The following IFFO2 variants were observed in gnomAD, a reference collection of about 807,000 sequenced individuals.
The protein encoded by IFFO2 is intermediate filament family orphan 2.
Under a neutral mutation model 53.5 loss-of-function variants are expected in IFFO2, and 19 were observed. That is an observed-to-expected ratio of 0.36 (90% CI 0.25 to 0.52). The LOEUF (loss-of-function observed/expected upper bound fraction) is 0.52, where lower values mean the gene tolerates loss of function less well. Among genes scored for constraint, IFFO2 ranks in the 20% least tolerant of loss-of-function variants. IFFO2 has a pLI of 0.94. For synonymous variants in IFFO2, 303 were observed against 313.6 expected, an observed-to-expected ratio of 0.97 and a Z score of 0.36; for missense variants, 570 against 727.4, an observed-to-expected ratio of 0.78 and a Z score of 2.49.
rs1936127871 is a variant in IFFO2 at position 18,916,018 on chromosome 1, G to A, written c.1103+885C>T. On this transcript the variant is annotated intron_variant, in intron 5 of 8. Coordinates refer to ENST00000455833, the MANE Select transcript of IFFO2 (RefSeq NM_001136265.2). The surrounding 1 kb of genome is among the most constrained non-coding windows in gnomAD (Gnocchi z 4.3). ...TGCATGCCTGTGATTCCAGCTACTT[G>A]GGAGGCTGAGGCAGGAGAAACACTG... is the stretch of plus-strand genomic sequence containing the variant. Among the ~76,000 whole-genome samples, 1 of 152,070 alleles carries A rather than the reference G, an allele frequency of 6.6e-6. No individual in the cohort carries two copies. Among genetic ancestry groups the A allele is most frequent in the Non-Finnish European group, 1.5e-5 (1 of 68,010 alleles).
At position 18,928,031 on chromosome 1, in the gene IFFO2, C is replaced by T. The variant is rs1209941655; in HGVS notation, c.666-6910G>A. On this transcript the variant is annotated intron_variant, in intron 1 of 8. Coordinates refer to ENST00000455833, the MANE Select transcript of IFFO2 (RefSeq NM_001136265.2). This position sits in a 1 kb window ranked among gnomAD's most constrained non-coding sequence, Gnocchi z 4.9. ...TCCCGCCACCACTGCTAACACAGGG[C>T]TCACCTCCTGGGCAGCTCAGCACTG... Among the ~76,000 whole-genome samples, 4 of 152,358 alleles carry T rather than the reference C, an allele frequency of 2.6e-5. No homozygotes were observed. The highest frequency in any genetic ancestry group is 6.5e-5 in the Admixed American group (1 of 15,298).
At chr1:18,944,323 T>C (rs1569863373) in intron 1 of IFFO2, among the ~76,000 whole-genome samples, 1 of 152,160 alleles carries the variant, frequency 6.6e-6, no homozygotes, top group East Asian at 1.9e-4. Flanking sequence ...CTCTGGGGCA[T>C]CCAGGGGATG....
Position 18,910,508 on chromosome 1 carries a change from A to C in IFFO2, c.1318-36T>G, listed in dbSNP as rs191187467. The C allele has an allele frequency of 1.6e-5, 25 of 1,587,052 alleles. No individual in the cohort carries two copies. The East Asian group carries it at 5.8e-4, about 37-fold the overall frequency. On this transcript the variant is annotated intron_variant, in intron 7 of 8. Coordinates refer to ENST00000455833, the MANE Select transcript of IFFO2 (RefSeq NM_001136265.2). ...CCAATGAGGAATAAGGGTGAGGGCAAGTCATCCTCGTGACAGAAGCCTCGG... is the reference window on the plus strand; with the variant it reads ...CCAATGAGGAATAAGGGTGAGGGCACGTCATCCTCGTGACAGAAGCCTCGG...
At chr1:18,910,278 G>T in intron 8 of IFFO2, 64 bp downstream of exon 8, 1 of 1,542,102 alleles carries the variant, frequency 6.5e-7, no homozygotes, top group Non-Finnish European at 8.8e-7. Context: ...TGGCCGAGTT[G>T]CAGCCTTGGG....
chr1:18,917,034 G>A lies in IFFO2; in HGVS notation c.972C>T (p.Pro324=). The change falls in exon 5 of 9, where the codon CCC becomes CCT. Residue 324 remains proline, a synonymous_variant. Coordinates refer to ENST00000455833, the MANE Select transcript of IFFO2 (RefSeq NM_001136265.2). The surrounding 1 kb of genome is among the most constrained non-coding windows in gnomAD (Gnocchi z 5.9). The stretch of plus-strand genomic sequence containing the variant: ...AAGCCACCTTACGCTCTTTCTTTTT[G>A]GGGACCACCTGAACCGGAAAGGAAG... ...EDVSKIFQVV[P]KKKERKVASD... The A allele has an allele frequency of 6.4e-7, 1 of 1,552,214 alleles. No individual in the cohort carries two copies. Among genetic ancestry groups the A allele is most frequent in the South Asian group, 1.2e-5 (1 of 84,048 alleles).
Position 18,916,900 on chromosome 1 carries a change from C to T in IFFO2, c.1103+3G>A. 1 of 1,551,766 alleles carries T rather than the reference C, an allele frequency of 6.4e-7. No homozygotes were observed. The highest frequency in any genetic ancestry group is 1.4e-5 in the African/African-American group (1 of 73,186). On this transcript the variant is annotated splice_donor_region_variant and intron_variant, in intron 5 of 8. Coordinates refer to ENST00000455833, the MANE Select transcript of IFFO2 (RefSeq NM_001136265.2). This position sits in a 1 kb window ranked among gnomAD's most constrained non-coding sequence, Gnocchi z 4.3. ...AGAGTGTGCGGGCCACGGGGATACT[C>T]ACAGCTGGTTAAACATGCGCTTCAT...
chr1:18,939,494 T>A lies in IFFO2; in HGVS notation c.665+16174A>T, dbSNP rs375365005. Among the ~76,000 whole-genome samples, 18 of 152,326 alleles carry A rather than the reference T, an allele frequency of 1.2e-4. No individual in the cohort carries two copies. In the South Asian group the frequency reaches 3.7e-3, roughly 32 times the overall value. The stretch of plus-strand genomic sequence containing the variant: ...GGAAAGATGGGACCAGAGTGATCCC[T>A]GGGATTCAGGCCACTTCTAGCTCAG... On this transcript the variant is annotated intron_variant, in intron 1 of 8. Coordinates refer to ENST00000455833, the MANE Select transcript of IFFO2 (RefSeq NM_001136265.2).
chr1:18,953,707 C>T (rs968402307), intron 1 of IFFO2, among the ~76,000 whole-genome samples: 1 of 152,104 alleles, frequency 6.6e-6, no homozygotes, highest in African/African-American at 2.4e-5. Context: ...CCCAGAAGGG[C>T]GGGAAGAGAG....
Position 18,908,396 on chromosome 1 carries a change from A to T in IFFO2, c.*165T>A. On this transcript the variant is annotated 3_prime_UTR_variant, in exon 9 of 9. Transcript: ENST00000455833. The stretch of plus-strand genomic sequence containing the variant: ...ACGGGGCACCCGTTGGTGGTGTGGA[A>T]GGAAGGAAGGAAGCAGCAGTCCCTC... 3 of 564,420 alleles carry T rather than the reference A, an allele frequency of 5.3e-6. No homozygotes were observed. Among genetic ancestry groups the T allele is most frequent in the Non-Finnish European group, 9.6e-6 (3 of 311,236 alleles). The allele number at this position is 564,420 out of a possible 1,614,324, so 35.0% of individuals were successfully genotyped here.
intron 1 of IFFO2, among the ~76,000 whole-genome samples, chr1:18,949,798 CAT>C (rs764315229): frequency 3.3e-5 from 5 of 152,210 alleles, no homozygotes; most frequent in Non-Finnish European, 7.3e-5. Flanking sequence ...TGTGCACGTA[CAT>C]GTGTGTGAGT....
chr1:18,915,763 C>T (rs1451570418), intron 5 of IFFO2, among the ~76,000 whole-genome samples: 1 of 152,150 alleles, frequency 6.6e-6, no homozygotes. Flanking sequence ...TTCTGCAAGC[C>T]GTGCGGTCAA....
chr1:18,916,781 A>T lies in IFFO2; in HGVS notation c.1103+122T>A. 7.8e-7 allele frequency: 1 copy of T among 1,275,904 alleles called. No individual in the cohort carries two copies. The highest frequency in any genetic ancestry group is 1.1e-6 in the Non-Finnish European group (1 of 940,424). The allele number at this position is 1,275,904 out of a possible 1,614,324, so 79.0% of individuals were successfully genotyped here. A position where few individuals can be genotyped will look rare whatever the true frequency, so the allele number is the denominator to read the frequency against. On this transcript the variant is annotated intron_variant, in intron 5 of 8. Coordinates refer to ENST00000455833, the MANE Select transcript of IFFO2 (RefSeq NM_001136265.2). This position sits in a 1 kb window ranked among gnomAD's most constrained non-coding sequence, Gnocchi z 4.3. ...AAGTGAGACCCTGTCTCAAAAAAAA[A>T]AAGGAAATGAATTCAAATTCTTCCA...
intron 1 of IFFO2, among the ~76,000 whole-genome samples, chr1:18,938,069 T>C (rs1413750064): frequency 6.7e-6 from 1 of 150,168 alleles, no homozygotes; most frequent in Non-Finnish European, 1.5e-5. Flanking sequence ...TGGGGCAAAG[T>C]GGGAGGCCAC....
At chr1:18,914,182 T>C (rs985223449) in intron 5 of IFFO2, among the ~76,000 whole-genome samples, 6 of 152,224 alleles carry the variant, frequency 3.9e-5, no homozygotes, top group African/African-American at 1.2e-4. Flanking sequence ...AATTCCATAC[T>C]GAACCCAATT....
chr1:18,914,514 T>C (rs992373864), intron 5 of IFFO2, among the ~76,000 whole-genome samples: 1 of 152,176 alleles, frequency 6.6e-6, no homozygotes, highest in Non-Finnish European at 1.5e-5. Flanking sequence ...CAACCACTGC[T>C]TCTTTCCAAA....
chr1:18,953,543 G>A (rs576502640), intron 1 of IFFO2, among the ~76,000 whole-genome samples: 1 of 152,198 alleles, frequency 6.6e-6, no homozygotes, highest in Non-Finnish European at 1.5e-5. Context: ...GAAAGCCTGG[G>A]GTTTCAAGGA....
Position 18,941,245 on chromosome 1 carries a change from T to C in IFFO2, c.665+14423A>G, listed in dbSNP as rs977082055. ...AGTGAGCAAGATGGCGATAGAATTA[T>C]GAGATCTTGGCTCCCTTCTTGGAGG... On this transcript the variant is annotated intron_variant, in intron 1 of 8. Coordinates refer to ENST00000455833, the MANE Select transcript of IFFO2 (RefSeq NM_001136265.2). Among the ~76,000 whole-genome samples, 4 of 152,376 alleles carry C rather than the reference T, an allele frequency of 2.6e-5. 1 individual carries two copies. The highest frequency in any genetic ancestry group is 2.6e-4 in the Admixed American group (4 of 15,308).
intron 1 of IFFO2, 59 bp downstream of exon 1, chr1:18,955,609 G>C: frequency 1.3e-6 from 2 of 1,501,610 alleles, no homozygotes; most frequent in Non-Finnish European, 1.8e-6. Flanking sequence ...TACGCATTCC[G>C]CGGCAGCCTG....
chr1:18,920,971 T>A (rs1936207985), intron 2 of IFFO2, 90 bp downstream of exon 2: 1 of 1,174,798 alleles, frequency 8.5e-7, no homozygotes. Flanking sequence ...TGTGCAAGAA[T>A]TTCCTGGCTT....
Sources: allele counts gnomAD v4.1 joint callset (sites outside exome capture counted in the v4.1 genomes callset), GRCh38; gene constraint gnomAD v4.1.1; non-coding constraint Gnocchi (gnomAD v3.1); transcripts MANE v1.5; gene names NCBI Gene and HGNC (gene_info 2026-07-23, HGNC 2026-07-21).